The following NEU3 variants were observed in gnomAD, a reference collection of about 807,000 sequenced individuals.
NEU3 encodes neuraminidase 3.
NEU3 carries 10 observed loss-of-function variants against 11.4 expected under a neutral mutation model. The observed-to-expected ratio is 0.88, with a 90% CI of 0.54 to 1.49. The LOEUF is 1.49. NEU3 is among the 40% of genes most tolerant of loss of function. The pLI, the probability that NEU3 is intolerant of heterozygous loss-of-function variation, is 0.00. For synonymous variants in NEU3, 212 were observed against 228.2 expected (o/e 0.93, Z 0.64); for missense variants, 529 against 581.8 (o/e 0.91, Z 0.93).
At position 75,006,832 on chromosome 11, in the gene NEU3, T is replaced by C; in HGVS notation, c.*340T>C. 1 of 221,782 alleles carries C rather than the reference T, an allele frequency of 4.5e-6. No homozygotes were observed. Among genetic ancestry groups the C allele is most frequent in the Non-Finnish European group, 8.9e-6 (1 of 112,086 alleles). The allele number at this position is 221,782 out of a possible 1,614,324, so 13.7% of individuals were successfully genotyped here. The stretch of plus-strand genomic sequence containing the variant: ...CATCTTCTCATCCCTAGGACAAGCA[T>C]AGTGCCTGCATGCTTCATGATCAGT... On this transcript the variant is annotated 3_prime_UTR_variant, in exon 3 of 3. Coordinates refer to ENST00000294064, the MANE Select transcript of NEU3 (RefSeq NM_006656.6).
rs543513106 is a variant in NEU3, at chr11:75,005,722, A to T, written c.616A>T (p.Arg206Ter). Residue 206 changes from arginine to a stop codon, truncating the protein, a stop_gained, in exon 3 of 3, where the codon AGA becomes TGA. Transcript: ENST00000294064. LOFTEE classifies it low-confidence loss of function (END_TRUNC). ...TCATGGCATCCAGCTGCAGTCAGGGAGACTGGTCATCCCTGCGTATACCTA... is the reference window on the plus strand; with the variant it reads ...TCATGGCATCCAGCTGCAGTCAGGGTGACTGGTCATCCCTGCGTATACCTA... ...PGHGIQLQSG[R>*]LVIPAYTYYI... is the part of the protein sequence containing the mutation. 117 of 1,613,968 alleles carry T rather than the reference A, an allele frequency of 7.2e-5. 2 individuals are homozygous for T. The South Asian group carries it at 1.2e-3, about 16-fold the overall frequency.
At chr11:74,981,378 TG>T in the NEU3 span, among the ~76,000 whole-genome samples, 1 of 152,382 alleles carries the variant, frequency 6.6e-6, no homozygotes. Context: ...CTCATGTGAA[TG>T]TAAGACTGAC....
rs1479508465 is a variant in NEU3 at position 75,006,125 on chromosome 11, A to G, written c.1019A>G (p.Gln340Arg). 1 of 1,614,032 alleles carries G rather than the reference A, an allele frequency of 6.2e-7. No homozygotes were observed. The highest frequency in any genetic ancestry group is 1.3e-5 in the African/African-American group (1 of 75,054). The change falls in exon 3 of 3, where the codon CAG becomes CGG. Residue 340 changes from glutamine (Q) to arginine (R), a missense_variant. Gln to Arg is a conservative substitution (Grantham distance 43, BLOSUM62 1). Transcript: ENST00000294064. ...AGCAGCAAAGATGCACCCACCATTC[A>G]GCAGAGCTCTCCAGGCAGTTCACTG... ...DSSSKDAPTI[Q>R]QSSPGSSLRL...
chr11:74,992,053 T>C (rs2140234512), intron 1 of NEU3, among the ~76,000 whole-genome samples: 1 of 152,260 alleles, frequency 6.6e-6, no homozygotes, highest in East Asian at 1.9e-4. Context: ...GCAAAGGAGT[T>C]GACAGAGAAA....
chr11:75,017,600 C>T (rs572646730), intron 3 of NEU3, among the ~76,000 whole-genome samples: 17 of 152,248 alleles, frequency 1.1e-4, no homozygotes, highest in African/African-American at 4.1e-4. Context: ...ATCATGGCTG[C>T]CTGAGTATGC....
At chr11:74,995,096 T>C in intron 2 of NEU3, 2 of 520,144 alleles carry the variant, frequency 3.8e-6, no homozygotes, top group South Asian at 6.8e-5. Flanking sequence ...ATGATGTGCC[T>C]TTCATTTATA....
At chr11:74,986,994 G>A (rs1371421389), upstream of NEU3, among the ~76,000 whole-genome samples, 1 of 152,192 alleles carries the variant, frequency 6.6e-6, no homozygotes, top group Non-Finnish European at 1.5e-5. Context: ...AATGAGGTGG[G>A]AAAGTAGGAA....
downstream of NEU3, among the ~76,000 whole-genome samples, chr11:75,020,637 C>T (rs1043510434): frequency 2.6e-5 from 4 of 152,174 alleles, no homozygotes; most frequent in South Asian, 6.2e-4. Flanking sequence ...TCCTTAGCCA[C>T]GTGGAACTGT....
At chr11:75,003,044 G>A (rs781255967) in intron 2 of NEU3, among the ~76,000 whole-genome samples, 48 of 152,060 alleles carry the variant, frequency 3.2e-4, no homozygotes, top group African/African-American at 1.0e-3. Context: ...TTGGTACTGC[G>A]GGCATACATT....
rs2140253171 is a variant in NEU3, at chr11:75,007,561, T to C, written c.*1069T>C. ...GTTTGTTTTTCTCAGGATATTGTCCTGGCCCAGCTACTCCTTTACCTGTGA... is the reference window on the plus strand; with the variant it reads ...GTTTGTTTTTCTCAGGATATTGTCCCGGCCCAGCTACTCCTTTACCTGTGA... On this transcript the variant is annotated 3_prime_UTR_variant, in exon 3 of 3. Transcript: ENST00000294064. The C allele has an allele frequency of 6.6e-6, 1 of 152,390 alleles. No individual in the cohort carries two copies. The highest frequency in any genetic ancestry group is 1.5e-5 in the Non-Finnish European group (1 of 68,066). The allele number at this position is 152,390 out of a possible 1,614,324, so 9.4% of individuals were successfully genotyped here. A position where few individuals can be genotyped will look rare whatever the true frequency, so the allele number is the denominator to read the frequency against.
chr11:75,017,252 C>A (rs1357683125), intron 3 of NEU3, among the ~76,000 whole-genome samples: 1 of 152,156 alleles, frequency 6.6e-6, no homozygotes, highest in African/African-American at 2.4e-5. Flanking sequence ...ATACTAGGCC[C>A]AGAGTTGGGG....
At chr11:74,990,081 A>G in intron 1 of NEU3, 1 of 687,914 alleles carries the variant, frequency 1.5e-6, no homozygotes, top group South Asian at 1.5e-5. Context: ...TTATAGTGAT[A>G]ATAAAGCATA....
In NEU3 at chr11:75,006,522, A is replaced by C; in HGVS notation, c.*30A>C. The C allele has an allele frequency of 1.3e-6, 2 of 1,575,766 alleles. No homozygotes were observed. The highest frequency in any genetic ancestry group is 1.7e-6 in the Non-Finnish European group (2 of 1,161,164). ...CTTAGGACCCAATTTCCATAGATGC[A>C]AATGGCAGTTACAGACAGGTTAACA... is the stretch of plus-strand genomic sequence containing the variant. On this transcript the variant is annotated 3_prime_UTR_variant, in exon 3 of 3. Coordinates refer to ENST00000294064, the MANE Select transcript of NEU3 (RefSeq NM_006656.6).
upstream of NEU3, among the ~76,000 whole-genome samples, chr11:74,984,494 G>A (rs369017139): frequency 6.6e-6 from 1 of 152,144 alleles, no homozygotes; most frequent in South Asian, 2.1e-4. Flanking sequence ...TTTACAGGTA[G>A]TAACAGGCTA....
chr11:75,011,631 G>A (rs1948955984), downstream of NEU3, among the ~76,000 whole-genome samples: 1 of 152,202 alleles, frequency 6.6e-6, no homozygotes, highest in African/African-American at 2.4e-5. Context: ...GAGTCCTGAT[G>A]ATAGCCAGTA....
At chr11:75,011,297 C>G (rs1948953759), downstream of NEU3, among the ~76,000 whole-genome samples, 1 of 152,152 alleles carries the variant, frequency 6.6e-6, no homozygotes, top group Non-Finnish European at 1.5e-5. Flanking sequence ...TTATTAACAG[C>G]CAAATCAAGT....
chr11:75,020,602 T>A (rs144424361), downstream of NEU3, among the ~76,000 whole-genome samples: 370 of 152,346 alleles, frequency 2.4e-3, 2 homozygotes, highest in African/African-American at 8.5e-3. Flanking sequence ...TGCTCCTCCT[T>A]GTCTTCCACC....
intron 3 of NEU3, among the ~76,000 whole-genome samples, chr11:75,016,292 G>A (rs929666590): frequency 6.6e-6 from 1 of 152,154 alleles, no homozygotes; most frequent in Non-Finnish European, 1.5e-5. Flanking sequence ...CAAAGACAGA[G>A]GTCCTCCTGT....
Position 75,009,061 on chromosome 11 carries a change from TTA to T in NEU3, c.*2571_*2572del, listed in dbSNP as rs1356422002. The T allele has an allele frequency of 1.3e-5, 2 of 152,186 alleles. No individual in the cohort carries two copies. Among genetic ancestry groups the T allele is most frequent in the Non-Finnish European group, 2.9e-5 (2 of 68,050 alleles). 9.4% of individuals were successfully genotyped at this position (152,186 alleles called of 1,614,324 possible). A position where few individuals can be genotyped will look rare whatever the true frequency, so the allele number is the denominator to read the frequency against. ...CTTTAAATGGGGCAGGCCTGTGTTCTTATCTCAGGAATAGTAAGAAAAGGGGG... is the reference window on the plus strand; with the variant it reads ...CTTTAAATGGGGCAGGCCTGTGTTCTTCTCAGGAATAGTAAGAAAAGGGGG... On this transcript the variant is annotated 3_prime_UTR_variant, in exon 3 of 3. Transcript: ENST00000294064.
Sources: gnomAD v4.1 joint callset for allele counts (sites outside exome capture counted in the v4.1 genomes callset) on GRCh38, gnomAD v4.1.1 for gene constraint, MANE v1.5 for transcripts, NCBI Gene and HGNC (gene_info 2026-07-23, HGNC 2026-07-21) for gene names.